The following PAK5 variants were observed in gnomAD, a reference collection of about 807,000 sequenced individuals.
PAK5 encodes the protein serine/threonine-protein kinase PAK 5.
PAK5 carries 16 observed loss-of-function variants against 65.9 expected under a neutral mutation model. The observed-to-expected ratio is 0.24, with a 90% CI of 0.16 to 0.37. The LOEUF is 0.37. Ranked by LOEUF, PAK5 falls within the 10% of genes least tolerant of loss-of-function variation. The pLI is 1.00. For synonymous variants in PAK5, 371 were observed against 354.9 expected (o/e 1.05, Z -0.51); for missense variants, 785 against 903.9 (o/e 0.87, Z 1.69).
At chr20:9,796,355 C>G (rs998465854) in intron 1 of PAK5, among the ~76,000 whole-genome samples, 1 of 151,842 alleles carries the variant, frequency 6.6e-6, no homozygotes, top group African/African-American at 2.4e-5. Context: ...TGAAAAAAAG[C>G]CAGGCTGCAA....
chr20:9,572,020 ATGG>A (rs1269228388), intron 4 of PAK5, among the ~76,000 whole-genome samples: 1 of 148,552 alleles, frequency 6.7e-6, no homozygotes, highest in African/African-American at 2.5e-5. Flanking sequence ...CCAGAACATG[ATGG>A]ATGATAATGT....
At position 9,537,996 on chromosome 20, in the gene PAK5, A is replaced by G. The variant is rs934981701; in HGVS notation, c.*1466T>C. The G allele has an allele frequency of 3.4e-5, 8 of 232,152 alleles. No homozygotes were observed. The highest frequency in any genetic ancestry group is 6.8e-5 in the Non-Finnish European group (8 of 117,226). 14.4% of individuals were successfully genotyped at this position (232,152 alleles called of 1,614,324 possible). A position where few individuals can be genotyped will look rare whatever the true frequency, so the allele number is the denominator to read the frequency against. On this transcript the variant is annotated 3_prime_UTR_variant, in exon 10 of 10. Transcript: ENST00000353224. ...TCATATTTGTTACAGTATGTGAAAT[A>G]GTTAAGAAAAGCCTCTGTTTTCCCA...
chr20:9,805,798 C>T (rs1412353595), intron 1 of PAK5, among the ~76,000 whole-genome samples: 1 of 152,066 alleles, frequency 6.6e-6, no homozygotes, highest in African/African-American at 2.4e-5. Context: ...AGAAAATGTT[C>T]TAAAATTAGA....
intron 3 of PAK5, among the ~76,000 whole-genome samples, chr20:9,604,277 T>C (rs533574170): frequency 1.3e-5 from 2 of 152,284 alleles, no homozygotes; most frequent in East Asian, 1.9e-4. Flanking sequence ...TGGATGTCAT[T>C]AGGGGGAAGG....
chr20:9,660,854 C>A (rs2047336085), intron 2 of PAK5, among the ~76,000 whole-genome samples: 1 of 152,052 alleles, frequency 6.6e-6, no homozygotes, highest in Non-Finnish European at 1.5e-5. Context: ...GGACATGAGA[C>A]AGAGATGGAA....
chr20:9,781,560 A>G (rs754971070), intron 1 of PAK5, among the ~76,000 whole-genome samples: 10 of 152,016 alleles, frequency 6.6e-5, no homozygotes, highest in Non-Finnish European at 1.2e-4. Context: ...CACTTGGAGC[A>G]CTCGCCTGTC....
At chr20:9,715,300 C>A (rs1490528475) in intron 1 of PAK5, among the ~76,000 whole-genome samples, 1 of 152,206 alleles carries the variant, frequency 6.6e-6, no homozygotes, top group East Asian at 1.9e-4. Context: ...AAAAAATGCT[C>A]ATCATCACTG....
At chr20:9,828,688 C>A (rs1978471635) in intron 1 of PAK5, among the ~76,000 whole-genome samples, 2 of 152,162 alleles carry the variant, frequency 1.3e-5, no homozygotes, top group East Asian at 1.9e-4. Context: ...CCATTAGAAG[C>A]AAACACATGA....
intron 1 of PAK5, among the ~76,000 whole-genome samples, chr20:9,755,258 G>C (rs1480479215): frequency 6.6e-6 from 1 of 152,144 alleles, no homozygotes; most frequent in East Asian, 1.9e-4. Flanking sequence ...TAAAATCTTT[G>C]CAAGTGCCAT....
chr20:9,773,950 G>T (rs1016142047), intron 1 of PAK5, among the ~76,000 whole-genome samples: 3 of 152,134 alleles, frequency 2.0e-5, no homozygotes, highest in African/African-American at 7.2e-5. Flanking sequence ...TCTCATACTG[G>T]ACAGAGCACT....
intron 1 of PAK5, among the ~76,000 whole-genome samples, chr20:9,769,732 G>A (rs56729471): frequency 0.018 from 2,809 of 152,334 alleles, 62 homozygotes; most frequent in African/African-American, 0.047. Context: ...CAACAAAGGT[G>A]ATGGGATGGA....
chr20:9,540,133 G>T (rs1276715167), intron 9 of PAK5, among the ~76,000 whole-genome samples: 1 of 152,100 alleles, frequency 6.6e-6, no homozygotes, highest in Non-Finnish European at 1.5e-5. Flanking sequence ...TATATTTAGA[G>T]ATGAGGTCTC....
intron 7 of PAK5, among the ~76,000 whole-genome samples, chr20:9,546,294 T>A (rs2045343418): frequency 6.6e-6 from 1 of 152,212 alleles, no homozygotes; most frequent in Non-Finnish European, 1.5e-5. Flanking sequence ...TCATCTAATT[T>A]TTGATGCATT....
intron 1 of PAK5, among the ~76,000 whole-genome samples, chr20:9,734,587 ACGGGG>A (rs2048369198): frequency 1.0e-5 from 1 of 98,652 alleles, no homozygotes; most frequent in Non-Finnish European, 2.3e-5. Context: ...CACACAGGCC[ACGGGG>A]TGGGAGTCAG....
chr20:9,635,794 C>G (rs973739311), intron 3 of PAK5, among the ~76,000 whole-genome samples: 3 of 152,072 alleles, frequency 2.0e-5, no homozygotes, highest in South Asian at 4.1e-4. Flanking sequence ...AACAAACAAA[C>G]AAAAAACACT....
intron 3 of PAK5, among the ~76,000 whole-genome samples, chr20:9,622,595 C>G (rs139729466): frequency 1.2e-3 from 178 of 152,322 alleles, no homozygotes; most frequent in African/African-American, 4.2e-3. Context: ...GGGAGCACAG[C>G]AGGAGGTGAG....
chr20:9,542,766 T>G, intron 8 of PAK5, 46 bp from the exon 9 acceptor site: 1 of 1,584,108 alleles, frequency 6.3e-7, no homozygotes, highest in Non-Finnish European at 8.6e-7. Context: ...GAGAACATTC[T>G]GAAATGTCAA....
chr20:9,550,513 G>C (rs900430409), intron 7 of PAK5, among the ~76,000 whole-genome samples: 2 of 152,316 alleles, frequency 1.3e-5, no homozygotes, highest in African/African-American at 4.8e-5. Flanking sequence ...GAGGAGAGGA[G>C]GGAGTAGGTG....
intron 1 of PAK5, chr20:9,784,459 C>T (rs988807964): frequency 1.3e-5 from 2 of 152,084 alleles, no homozygotes; most frequent in Admixed American, 6.6e-5. Flanking sequence ...TTCAGAGGCC[C>T]CAGTAAGAGC....
Sources: allele counts gnomAD v4.1 joint callset (sites outside exome capture counted in the v4.1 genomes callset), GRCh38; gene constraint gnomAD v4.1.1; transcripts MANE v1.5; gene names NCBI Gene and HGNC (gene_info 2026-07-23, HGNC 2026-07-21).